Variants in IP6K1 observed in about 807,000 individuals in gnomAD.
IP6K1 encodes the protein inositol hexakisphosphate kinase 1.
A neutral mutation model predicts 38.3 loss-of-function variants in IP6K1; 13 were observed. That is an observed-to-expected ratio of 0.34 (90% CI 0.22 to 0.54). The LOEUF is 0.54. IP6K1 is among the 20% of genes least tolerant of loss of function. The probability of loss-of-function intolerance (pLI) is 0.92; values close to 1 mark genes in which losing one functional copy is unlikely to be tolerated. For missense variants in IP6K1, 397 were observed against 599.8 expected, an observed-to-expected ratio of 0.66 and a Z score of 3.53; for synonymous variants, 212 against 229.9, an observed-to-expected ratio of 0.92 and a Z score of 0.70.
intron 1 of IP6K1, among the ~76,000 whole-genome samples, chr3:49,752,467 CA>C (rs1282674126): frequency 1.4e-5 from 2 of 143,530 alleles, no homozygotes; most frequent in Non-Finnish European, 3.0e-5. Context: ...CCAGCCTGGG[CA>C]ACAGAGCAAG....
chr3:49,731,717 A>G (rs2080563052), intron 4 of IP6K1, among the ~76,000 whole-genome samples: 1 of 152,018 alleles, frequency 6.6e-6, no homozygotes, highest in Admixed American at 6.6e-5. Flanking sequence ...CAAAACACTA[A>G]CAATTGTAAG....
chr3:49,764,423 A>G (rs2080891870), intron 1 of IP6K1, among the ~76,000 whole-genome samples: 1 of 152,166 alleles, frequency 6.6e-6, no homozygotes, highest in South Asian at 2.1e-4. Context: ...CAAACAAATT[A>G]TATATTGATT....
intron 1 of IP6K1, among the ~76,000 whole-genome samples, chr3:49,776,126 T>G (rs930959305): frequency 6.6e-6 from 1 of 151,920 alleles, no homozygotes. Context: ...TTCTGAGAAA[T>G]TGGAAACCCT....
At chr3:49,737,792 G>C (rs1167878386) in intron 3 of IP6K1, among the ~76,000 whole-genome samples, 2 of 152,198 alleles carry the variant, frequency 1.3e-5, no homozygotes, top group Non-Finnish European at 2.9e-5. Context: ...ATTCTCAGAG[G>C]TCTGACACAA....
At chr3:49,745,552 T>C (rs2080713074) in intron 2 of IP6K1, among the ~76,000 whole-genome samples, 1 of 152,010 alleles carries the variant, frequency 6.6e-6, no homozygotes, top group African/African-American at 2.4e-5. Context: ...AAACCCCGTC[T>C]CTACTAAAAA....
intron 3 of IP6K1, 65 bp downstream of exon 3, chr3:49,738,147 A>G (rs947172419): frequency 1.3e-5 from 17 of 1,299,368 alleles, no homozygotes; most frequent in Middle Eastern, 4.4e-4. Context: ...CTTCCCCATG[A>G]TGTGTCAGGA....
At position 49,782,320 on chromosome 3, in the gene IP6K1, G is replaced by A. The variant is rs143294659; in HGVS notation, c.-129+4034C>T. The stretch of plus-strand genomic sequence containing the variant: ...TGAGTAGCTGGGATTACAGGTGCAC[G>A]CCACCACACCTGGCTAATCTTTGTA... On this transcript the variant is annotated intron_variant, in intron 1 of 5. Transcript: ENST00000321599. Among the ~76,000 whole-genome samples, 67 of 151,890 alleles carry A rather than the reference G, an allele frequency of 4.4e-4. No homozygotes were observed. The Middle Eastern group carries it at 0.01, about 23-fold the overall frequency.
chr3:49,767,337 G>C (rs1013497741), intron 1 of IP6K1, among the ~76,000 whole-genome samples: 1 of 152,056 alleles, frequency 6.6e-6, no homozygotes, highest in South Asian at 2.1e-4. Context: ...CCAACACTTT[G>C]GGAGGCCGAG....
chr3:49,761,411 G>A (rs2108249700), intron 1 of IP6K1, among the ~76,000 whole-genome samples: 1 of 152,060 alleles, frequency 6.6e-6, no homozygotes, highest in Non-Finnish European at 1.5e-5. Flanking sequence ...CGGATCACGA[G>A]GTCAGGAGAT....
intron 1 of IP6K1, among the ~76,000 whole-genome samples, chr3:49,759,051 T>C (rs928123495): frequency 4.7e-5 from 7 of 148,468 alleles, no homozygotes; most frequent in African/African-American, 1.2e-4. Flanking sequence ...GGCTAGCAAA[T>C]AGTTTATCTT....
intron 1 of IP6K1, among the ~76,000 whole-genome samples, chr3:49,767,273 A>C (rs918059855): frequency 1.3e-5 from 2 of 151,916 alleles, no homozygotes; most frequent in South Asian, 4.1e-4. Flanking sequence ...ATGAGACCCT[A>C]TCTCTTAAAA....
intron 1 of IP6K1, among the ~76,000 whole-genome samples, chr3:49,751,410 T>A (rs1362487373): frequency 6.6e-6 from 1 of 152,080 alleles, no homozygotes; most frequent in Non-Finnish European, 1.5e-5. Context: ...TCCACCCACC[T>A]CAGCCTCCCA....
At chr3:49,744,934 G>A (rs1476513097) in intron 2 of IP6K1, among the ~76,000 whole-genome samples, 2 of 152,096 alleles carry the variant, frequency 1.3e-5, no homozygotes, top group Admixed American at 6.6e-5. Context: ...CATTTATTTA[G>A]TATGACCAGC....
At chr3:49,782,372 T>A (rs1000642204) in intron 1 of IP6K1, among the ~76,000 whole-genome samples, 2 of 152,024 alleles carry the variant, frequency 1.3e-5, no homozygotes, top group Non-Finnish European at 2.9e-5. Context: ...TTTTTCACCA[T>A]GTTGGTCAGG....
intron 1 of IP6K1, among the ~76,000 whole-genome samples, chr3:49,770,570 AG>A (rs1352438379): frequency 6.6e-6 from 1 of 152,146 alleles, no homozygotes; most frequent in Admixed American, 6.5e-5. Context: ...GCTTGAGCCC[AG>A]GAAGTGGAGG....
At chr3:49,783,724 AAAAG>A (rs1216333495) in intron 1 of IP6K1, among the ~76,000 whole-genome samples, 13 of 151,804 alleles carry the variant, frequency 8.6e-5, no homozygotes, top group African/African-American at 2.7e-4. Context: ...AAAAAAAAAA[AAAAG>A]AAAGAAAGAA....
chr3:49,727,954 G>C lies in IP6K1; in HGVS notation c.792+149C>G, dbSNP rs1372675983. ...AATGTCGAGGCAGCAGACTCTCACA[G>C]TGGTCCTGCACCTGAGGCCCATATC... On this transcript the variant is annotated intron_variant, in intron 5 of 5. Coordinates refer to ENST00000321599, the MANE Select transcript of IP6K1 (RefSeq NM_153273.4). This position sits in a 1 kb window ranked among gnomAD's most constrained non-coding sequence, Gnocchi z 5.9. 40 of 761,274 alleles carry C rather than the reference G, an allele frequency of 5.3e-5. No individual in the cohort carries two copies. Among genetic ancestry groups the C allele is most frequent in the Non-Finnish European group, 7.0e-5 (32 of 458,856 alleles). The allele number at this position is 761,274 out of a possible 1,614,324, so 47.2% of individuals were successfully genotyped here.
chr3:49,778,463 T>A (rs1466308668), intron 1 of IP6K1, among the ~76,000 whole-genome samples: 1 of 151,504 alleles, frequency 6.6e-6, no homozygotes, highest in African/African-American at 2.4e-5. Context: ...TGAAACTTCG[T>A]CTCTACTAAA....
chr3:49,738,802 C>CT (rs1457947542), intron 2 of IP6K1, among the ~76,000 whole-genome samples: 2 of 152,076 alleles, frequency 1.3e-5, no homozygotes, highest in Non-Finnish European at 2.9e-5. Context: ...TGTGTGTGTC[C>CT]TCCTTTAGAT....
Sources: gnomAD v4.1 joint callset for allele counts (sites outside exome capture counted in the v4.1 genomes callset) on GRCh38, gnomAD v4.1.1 for gene constraint, Gnocchi (gnomAD v3.1) non-coding constraint, MANE v1.5 for transcripts, NCBI Gene and HGNC (gene_info 2026-07-23, HGNC 2026-07-21) for gene names.